RAD51B: variants seen among roughly 807,000 people sequenced by gnomAD.
RAD51B encodes the protein RAD51 paralog B, also known as DNA repair protein RAD51 homolog 2.
In RAD51B, 38 loss-of-function variants were observed where a neutral mutation model predicts 42.2. The observed-to-expected ratio is 0.90, with a 90% CI of 0.70 to 1.18. RAD51B has a LOEUF of 1.18. Ranked by LOEUF, RAD51B falls within the 50% of genes most tolerant of loss-of-function variation. The probability of loss-of-function intolerance (pLI) is 0.00; values close to 1 mark genes in which losing one functional copy is unlikely to be tolerated. For missense variants in RAD51B, 373 were observed against 400.7 expected (o/e 0.93, Z 0.59); for synonymous variants, 154 against 145.2 (o/e 1.06, Z -0.43).
At chr14:68,612,263 G>A (rs772579416), downstream of RAD51B, among the ~76,000 whole-genome samples, 1 of 152,208 alleles carries the variant, frequency 6.6e-6, no homozygotes, top group African/African-American at 2.4e-5. Context: ...GACGAGGGAC[G>A]AATTCCTGTG....
chr14:68,675,395 G>T (rs1225303667), intron 11 of RAD51B, among the ~76,000 whole-genome samples: 3 of 152,012 alleles, frequency 2.0e-5, no homozygotes, highest in Non-Finnish European at 4.4e-5. Context: ...CAGGCAAATG[G>T]GCATGAGACG....
At chr14:67,884,518 C>T (rs2043005988) in intron 5 of RAD51B, among the ~76,000 whole-genome samples, 1 of 152,196 alleles carries the variant, frequency 6.6e-6, no homozygotes. Flanking sequence ...CAGCACTAAA[C>T]TCAGCAAATA....
rs1006584859 is a variant in RAD51B, at chr14:68,341,948, A to G, written c.853+49968A>G. ...ATCCTGTGGCAAACAAAAATCTTTC[A>G]CTAATGGAAAGGAAATGATGGCTTG... is the stretch of plus-strand genomic sequence containing the variant. On this transcript the variant is annotated intron_variant, in intron 8 of 10. Coordinates refer to ENST00000471583, the MANE Select transcript of RAD51B (RefSeq NM_133510.4). 3.3e-5 allele frequency among the ~76,000 whole-genome samples: 5 copies of G among 152,320 alleles called. No homozygotes were observed. In the East Asian group the frequency reaches 9.6e-4, roughly 29 times the overall value.
At chr14:68,394,553 TATA>T (rs2083857170) in intron 8 of RAD51B, among the ~76,000 whole-genome samples, 1 of 152,262 alleles carries the variant, frequency 6.6e-6, no homozygotes, top group African/African-American at 2.4e-5. Flanking sequence ...CATGAAATAA[TATA>T]AGGTTTCCTT....
intron 10 of RAD51B, among the ~76,000 whole-genome samples, chr14:68,648,622 C>A (rs61987117): frequency 3.4e-5 from 5 of 147,304 alleles, no homozygotes; most frequent in East Asian, 2.1e-4. Context: ...TGAAGCTTAA[C>A]GAAGAATTTT....
At chr14:67,949,378 C>G (rs140266323) in intron 7 of RAD51B, among the ~76,000 whole-genome samples, 1,567 of 152,280 alleles carry the variant, frequency 0.01, 16 homozygotes, top group Non-Finnish European at 0.014. Flanking sequence ...AATAGTTTCC[C>G]TCTCAAGAAA....
At chr14:68,652,128 T>C (rs557978165) in intron 11 of RAD51B, among the ~76,000 whole-genome samples, 1 of 151,894 alleles carries the variant, frequency 6.6e-6, no homozygotes, top group African/African-American at 2.4e-5. Flanking sequence ...TTTCTTATAA[T>C]TCATTCCCTC....
At chr14:67,956,246 T>C (rs1223309322) in intron 7 of RAD51B, among the ~76,000 whole-genome samples, 1 of 152,196 alleles carries the variant, frequency 6.6e-6, no homozygotes, top group Non-Finnish European at 1.5e-5. Flanking sequence ...ACGCCTGTAA[T>C]CCCAGTAGTT....
chr14:68,459,315 T>C (rs1199936123), intron 9 of RAD51B, among the ~76,000 whole-genome samples: 2 of 152,230 alleles, frequency 1.3e-5, no homozygotes, highest in East Asian at 3.8e-4. Context: ...CTGGCTCTCT[T>C]CCTGAGCTTC....
chr14:67,943,700 T>A (rs2045285929), intron 7 of RAD51B, among the ~76,000 whole-genome samples: 1 of 152,206 alleles, frequency 6.6e-6, no homozygotes, highest in African/African-American at 2.4e-5. Flanking sequence ...CTCAGAACAC[T>A]ATTTGACATA....
rs1335155944 is a variant in RAD51B, at chr14:68,477,885, T to A, written c.*221T>A. On this transcript the variant is annotated 3_prime_UTR_variant, in exon 11 of 11. Transcript: ENST00000471583. ...AAGCCTTTGTTCAGGTCTCTAGATG[T>A]GTAGGGCTGAGGGCTTTGCCGCCAT... 1 of 1,370,870 alleles carries A rather than the reference T, an allele frequency of 7.3e-7. No individual in the cohort carries two copies. The highest frequency in any genetic ancestry group is 9.4e-7 in the Non-Finnish European group (1 of 1,063,622). The allele number at this position is 1,370,870 out of a possible 1,614,324, so 84.9% of individuals were successfully genotyped here. A position where few individuals can be genotyped will look rare whatever the true frequency, so the allele number is the denominator to read the frequency against.
intron 6 of RAD51B, chr14:67,886,639 T>G (rs985836545): frequency 4.3e-6 from 1 of 233,946 alleles, no homozygotes; most frequent in African/African-American, 2.2e-5. Flanking sequence ...GGTACCATGA[T>G]CTTGTCATAT....
At chr14:67,958,566 A>C (rs1272337183) in intron 7 of RAD51B, among the ~76,000 whole-genome samples, 2 of 152,262 alleles carry the variant, frequency 1.3e-5, no homozygotes, top group Admixed American at 1.3e-4. Flanking sequence ...CAGTAAACAA[A>C]AAACTCAGAT....
At chr14:68,072,046 TATATAATTATATATATTTATATAA>T (rs1259612233) in intron 7 of RAD51B, among the ~76,000 whole-genome samples, 29 of 121,442 alleles carry the variant, frequency 2.4e-4, no homozygotes, top group African/African-American at 8.1e-4. Flanking sequence ...TTTATATATA[TATATAATTATATATATTTATATAA>T]ATATATAAAT....
chr14:68,598,132 A>G (rs142711642), downstream of RAD51B, among the ~76,000 whole-genome samples: 1 of 152,252 alleles, frequency 6.6e-6, no homozygotes, highest in South Asian at 2.1e-4. Context: ...AAGAGGTGGT[A>G]TCAGTAGGAA....
At chr14:67,928,957 C>G (rs1356443781) in intron 7 of RAD51B, among the ~76,000 whole-genome samples, 1 of 152,016 alleles carries the variant, frequency 6.6e-6, no homozygotes, top group Non-Finnish European at 1.5e-5. Flanking sequence ...GCAATGTCTC[C>G]TTTTTCATTT....
rs373721657 is a variant in RAD51B, at chr14:68,337,515, T to C, written c.853+45535T>C. On this transcript the variant is annotated intron_variant, in intron 8 of 10. Coordinates refer to ENST00000471583, the MANE Select transcript of RAD51B (RefSeq NM_133510.4). ...GGTTCTTTCTTCCCTATTGGCATGG[T>C]TATTTTGATCTGAAATGTCCTTTTT... Among the ~76,000 whole-genome samples the C allele has an allele frequency of 4.3e-4, 65 of 152,304 alleles. 1 individual carries two copies. The South Asian group carries it at 0.013, about 31-fold the overall frequency.
In RAD51B at chr14:68,608,130, A is replaced by G. The variant is rs188087308; in HGVS notation, c.1037-2876A>G. Among the ~76,000 whole-genome samples, 436 of 152,314 alleles carry G rather than the reference A, an allele frequency of 2.9e-3. 3 individuals carry two copies. Among genetic ancestry groups the G allele is most frequent in the African/African-American group, 0.01 (422 of 41,568 alleles). ...TGCCATGAGAGACCACCCCAGGTGCAGCTGGGCACCAGCACAGTCTCTCAG... is the reference window on the plus strand; with the variant it reads ...TGCCATGAGAGACCACCCCAGGTGCGGCTGGGCACCAGCACAGTCTCTCAG... On this transcript the variant is annotated intron_variant, in intron 10 of 10. Transcript: ENST00000487861.
chr14:68,452,001 T>C (rs1213110539), intron 9 of RAD51B, among the ~76,000 whole-genome samples: 1 of 152,224 alleles, frequency 6.6e-6, no homozygotes, highest in Non-Finnish European at 1.5e-5. Context: ...GCCATAGTCT[T>C]CCTTCTGTGA....
Sources: allele counts gnomAD v4.1 joint callset (sites outside exome capture counted in the v4.1 genomes callset), GRCh38; gene constraint gnomAD v4.1.1; transcripts MANE v1.5; gene names NCBI Gene and HGNC (gene_info 2026-07-23, HGNC 2026-07-21).